SLC9A2: variants seen among roughly 807,000 people sequenced by gnomAD.
The protein encoded by SLC9A2 is sodium/hydrogen exchanger 2.
Under a neutral mutation model 71.7 loss-of-function variants are expected in SLC9A2, and 42 were observed. The ratio of observed to expected loss-of-function variants is 0.59; its 90% CI spans 0.46 to 0.76. SLC9A2 has a LOEUF of 0.76. Ranked by LOEUF, SLC9A2 falls within the 30% of genes least tolerant of loss-of-function variation. SLC9A2 has a pLI of 0.00. For missense variants in SLC9A2, 829 were observed against 1,017.4 expected (o/e 0.81, Z 2.52); for synonymous variants, 396 against 392.5 (o/e 1.01, Z -0.10).
rs775747049 is a variant in SLC9A2, at chr2:102,708,287, C to T, written c.2237C>T (p.Thr746Ile). The T allele has an allele frequency of 6.2e-6, 10 of 1,613,608 alleles. No individual in the cohort carries two copies. Among genetic ancestry groups the T allele is most frequent in the African/African-American group, 1.3e-5 (1 of 74,858 alleles). ...DVDSGRDMPS[T>I]PPTPHSREKG... ...GATTCTGGCCGAGATATGCCCAGCA[C>T]CCCCCCAACACCCCACAGCAGAGAA... Residue 746 changes from threonine to isoleucine, a missense_variant, in exon 12 of 12, where the codon ACC becomes ATC. Physicochemically the swap from Thr to Ile is moderately conservative, Grantham distance 89. Transcript: ENST00000233969.
In SLC9A2 at chr2:102,619,952, C is replaced by T; in HGVS notation, c.104C>T (p.Thr35Ile). Reference sequence around the variant, plus strand: ...GGGCCCGTGGGCGCCCTGGCGGAGACCTTGCTGAACGCGCCGAGGGCCATG... The same window carrying T: ...GGGCCCGTGGGCGCCCTGGCGGAGATCTTGCTGAACGCGCCGAGGGCCATG... ...VAGPVGALAE[T>I]LLNAPRAMGT... The change falls in exon 1 of 12, where the codon ACC becomes ATC. Residue 35 changes from threonine (T) to isoleucine (I), a missense_variant. Physicochemically the swap from Thr to Ile is moderately conservative, Grantham distance 89. Transcript: ENST00000233969. This position sits in a 1 kb window ranked among gnomAD's most constrained non-coding sequence, Gnocchi z 4.3. 1 of 1,611,854 alleles carries T rather than the reference C, an allele frequency of 6.2e-7. No homozygotes were observed. Among genetic ancestry groups the T allele is most frequent in the South Asian group, 1.1e-5 (1 of 90,816 alleles).
chr2:102,625,874 T>C (rs1676237398), intron 1 of SLC9A2, among the ~76,000 whole-genome samples: 1 of 152,242 alleles, frequency 6.6e-6, no homozygotes, highest in Non-Finnish European at 1.5e-5. Context: ...TTTCTAGTTC[T>C]AGATACCTGA....
chr2:102,669,141 G>C (rs942605841), intron 3 of SLC9A2, among the ~76,000 whole-genome samples: 2 of 152,160 alleles, frequency 1.3e-5, no homozygotes, highest in Non-Finnish European at 2.9e-5. Flanking sequence ...TCATAAGACT[G>C]AGGTTTTATA....
At chr2:102,632,597 T>G (rs1211627225) in intron 1 of SLC9A2, among the ~76,000 whole-genome samples, 3 of 152,136 alleles carry the variant, frequency 2.0e-5, no homozygotes, top group Admixed American at 6.6e-5. Context: ...GAAGACGCCT[T>G]GTATTCCTCT....
chr2:102,633,084 T>A (rs1219378963), intron 1 of SLC9A2, among the ~76,000 whole-genome samples: 1 of 152,184 alleles, frequency 6.6e-6, no homozygotes, highest in Non-Finnish European at 1.5e-5. Context: ...GTTTCTTTAA[T>A]AAAATAATAA....
chr2:102,674,217 G>C (rs1677307925), intron 3 of SLC9A2, among the ~76,000 whole-genome samples: 1 of 152,232 alleles, frequency 6.6e-6, no homozygotes, highest in Non-Finnish European at 1.5e-5. Context: ...GCCCCTTCGT[G>C]AGGAGGTTAG....
chr2:102,655,788 C>T (rs938651745), intron 1 of SLC9A2, among the ~76,000 whole-genome samples: 4 of 152,194 alleles, frequency 2.6e-5, no homozygotes, highest in Admixed American at 2.6e-4. Context: ...TTTATGTTTT[C>T]ACAGTTCCAG....
intron 6 of SLC9A2, 140 bp from the exon 7 acceptor site, chr2:102,694,903 T>C: frequency 1.5e-6 from 1 of 685,422 alleles, no homozygotes; most frequent in Non-Finnish European, 2.5e-6. Flanking sequence ...TGAACTGTTT[T>C]ATTGCTTTTG....
chr2:102,629,339 A>G (rs868656087), intron 1 of SLC9A2, among the ~76,000 whole-genome samples: 1 of 152,084 alleles, frequency 6.6e-6, no homozygotes, highest in Non-Finnish European at 1.5e-5. Context: ...ATATAAAACT[A>G]TTACCATTTA....
At chr2:102,675,615 C>A (rs892370131) in intron 3 of SLC9A2, among the ~76,000 whole-genome samples, 70 of 152,008 alleles carry the variant, frequency 4.6e-4, no homozygotes, top group African/African-American at 1.3e-3. Context: ...TAGGTAGAGA[C>A]TCAGACAGGA....
intron 11 of SLC9A2, among the ~76,000 whole-genome samples, chr2:102,706,665 G>A (rs1334273036): frequency 6.6e-6 from 1 of 152,174 alleles, no homozygotes; most frequent in Non-Finnish European, 1.5e-5. Flanking sequence ...CTTTTGGAAT[G>A]GCATTCTGTG....
chr2:102,704,226 T>C (rs1027814378), intron 9 of SLC9A2, among the ~76,000 whole-genome samples: 3 of 152,126 alleles, frequency 2.0e-5, no homozygotes, highest in African/African-American at 4.8e-5. Context: ...GGTGGGAAAG[T>C]TGCTTGAGCC....
At chr2:102,685,315 T>C (rs1007326313) in intron 5 of SLC9A2, among the ~76,000 whole-genome samples, 1 of 151,950 alleles carries the variant, frequency 6.6e-6, no homozygotes, top group Admixed American at 6.6e-5. Context: ...GGGTCTGGAG[T>C]CCTACATCAT....
intron 2 of SLC9A2, 40 bp downstream of exon 2, chr2:102,658,067 G>T: frequency 6.7e-7 from 1 of 1,496,932 alleles, no homozygotes; most frequent in South Asian, 1.3e-5. Context: ...ACAGGTGGGG[G>T]CTGCCCAGCC....
At chr2:102,664,859 C>A (rs1558712528) in intron 2 of SLC9A2, among the ~76,000 whole-genome samples, 1 of 152,086 alleles carries the variant, frequency 6.6e-6, no homozygotes, top group Non-Finnish European at 1.5e-5. Flanking sequence ...TTGAAATTGC[C>A]TCTCCCTTAC....
intron 3 of SLC9A2, among the ~76,000 whole-genome samples, chr2:102,682,420 G>A (rs72999572): frequency 0.056 from 8,455 of 152,188 alleles, 458 homozygotes; most frequent in African/African-American, 0.14. Context: ...GGTGGAGAGA[G>A]GGCAGATGTG....
At chr2:102,658,083 C>G (rs1676980760) in intron 2 of SLC9A2, 56 bp downstream of exon 2, 1 of 1,340,682 alleles carries the variant, frequency 7.5e-7, no homozygotes, top group Admixed American at 1.9e-5. Context: ...CAGCCACCTG[C>G]AGTGGCTCTC....
intron 1 of SLC9A2, among the ~76,000 whole-genome samples, chr2:102,627,917 A>G (rs1382462683): frequency 1.3e-5 from 2 of 152,150 alleles, no homozygotes; most frequent in Admixed American, 1.3e-4. Flanking sequence ...TGGTATTTTT[A>G]TGAATCCCTG....
chr2:102,640,804 C>G (rs969683397), intron 1 of SLC9A2, among the ~76,000 whole-genome samples: 3 of 152,174 alleles, frequency 2.0e-5, no homozygotes, highest in Non-Finnish European at 4.4e-5. Context: ...CTAATCCTGC[C>G]TTGGTCTTTC....
Sources: gnomAD v4.1 joint callset for allele counts (sites outside exome capture counted in the v4.1 genomes callset) on GRCh38, gnomAD v4.1.1 for gene constraint, Gnocchi (gnomAD v3.1) non-coding constraint, MANE v1.5 for transcripts, NCBI Gene and HGNC (gene_info 2026-07-23, HGNC 2026-07-21) for gene names.